The following DMD variants were observed in gnomAD, a reference collection of about 807,000 sequenced individuals.
The protein encoded by DMD is dystrophin.
In DMD, 63 loss-of-function variants were observed where a neutral mutation model predicts 330.1. The observed-to-expected ratio is 0.19, with a 90% CI of 0.16 to 0.24. The LOEUF (loss-of-function observed/expected upper bound fraction) is 0.24. DMD is among the 10% of genes least tolerant of loss of function. DMD has a pLI of 1.00. For synonymous variants in DMD, 1,223 were observed against 959.8 expected (o/e 1.27, Z -5.07); for missense variants, 3,344 against 2,684.1 (o/e 1.25, Z -5.43).
chrX:32,922,156 G>A (rs2088483259), intron 2 of DMD, among the ~76,000 whole-genome samples: 1 of 108,205 alleles, frequency 9.2e-6, no homozygotes, highest in African/African-American at 3.4e-5. Flanking sequence ...CTGCAGATAG[G>A]TTTGAAAGCC....
At chrX:32,675,118 C>T (rs1218222668) in intron 9 of DMD, among the ~76,000 whole-genome samples, 1 of 111,411 alleles carries the variant, frequency 9.0e-6, no homozygotes, top group Non-Finnish European at 1.9e-5. Context: ...AAAGCATTCT[C>T]ATTAATGACA....
At chrX:32,908,773 C>T (rs1192448805) in intron 2 of DMD, among the ~76,000 whole-genome samples, 1 of 111,798 alleles carries the variant, frequency 8.9e-6, no homozygotes, top group Non-Finnish European at 1.9e-5. Context: ...CAAAAAGGAT[C>T]TTCCAGATTC....
intron 30 of DMD, among the ~76,000 whole-genome samples, chrX:32,400,562 C>CA (rs952156711): frequency 7.3e-5 from 8 of 110,187 alleles, no homozygotes; most frequent in Admixed American, 9.7e-5. Flanking sequence ...CCTCTGCAGC[C>CA]AAAAAACACA....
At chrX:32,768,866 G>A (rs181482717) in intron 7 of DMD, among the ~76,000 whole-genome samples, 38 of 111,607 alleles carry the variant, frequency 3.4e-4, no homozygotes, top group Non-Finnish European at 5.6e-5. Context: ...CTTAGAAGCA[G>A]CCACTCAGCC....
chrX:32,450,487 AG>A (rs1176856273), intron 26 of DMD, among the ~76,000 whole-genome samples: 2 of 111,035 alleles, frequency 1.8e-5, no homozygotes, highest in Non-Finnish European at 3.8e-5. Context: ...TAGTAATTAT[AG>A]TATAATCAAC....
At chrX:32,572,911 T>G (rs1194952716) in intron 15 of DMD, among the ~76,000 whole-genome samples, 1 of 110,345 alleles carries the variant, frequency 9.1e-6, no homozygotes, top group East Asian at 2.9e-4. Flanking sequence ...TTTAAAAGAG[T>G]CTGGGACCTT....
chrX:33,055,593 A>G (rs1204633716), intron 1 of DMD, among the ~76,000 whole-genome samples: 2 of 112,293 alleles, frequency 1.8e-5, no homozygotes, highest in African/African-American at 6.5e-5. Flanking sequence ...TATTTTGGCA[A>G]TCAATTGGGG....
intron 32 of DMD, among the ~76,000 whole-genome samples, chrX:32,388,673 A>G (rs2097978247): frequency 9.0e-6 from 1 of 110,715 alleles, no homozygotes; most frequent in African/African-American, 3.3e-5. Flanking sequence ...ATGTAGAAAC[A>G]ATACTTAAAA....
intron 44 of DMD, among the ~76,000 whole-genome samples, chrX:32,130,405 T>C (rs1395972435): frequency 1.8e-5 from 2 of 111,964 alleles, no homozygotes; most frequent in Non-Finnish European, 3.8e-5. Flanking sequence ...TATATATATG[T>C]GAAATCTTGT....
intron 60 of DMD, among the ~76,000 whole-genome samples, chrX:31,429,220 T>C (rs2063894526): frequency 8.9e-6 from 1 of 111,899 alleles, no homozygotes; most frequent in Non-Finnish European, 1.9e-5. Context: ...TTTTGCTATA[T>C]ATCACCCTAG....
intron 16 of DMD, among the ~76,000 whole-genome samples, chrX:32,565,342 C>CA (rs1266995672): frequency 5.4e-5 from 6 of 111,860 alleles, no homozygotes; most frequent in African/African-American, 1.9e-4. Context: ...TCATTTTTCT[C>CA]AAGAGTAAAA....
In DMD at chrX:32,855,694, C is replaced by T. The variant is rs1255960838; in HGVS notation, c.94-5874G>A. 2.7e-5 allele frequency among the ~76,000 whole-genome samples: 3 copies of T among 111,924 alleles called. No individual in the cohort carries two copies. In the East Asian group the frequency reaches 8.4e-4, roughly 31 times the overall value. On this transcript the variant is annotated intron_variant, in intron 2 of 78. Coordinates refer to ENST00000357033, the MANE Select transcript of DMD (RefSeq NM_004006.3). Reference sequence around the variant, plus strand: ...GTGGAACAAAGACTTAAATCTAAGGCCTCAAACTATGAAACTACTACAAGA... The same window carrying T: ...GTGGAACAAAGACTTAAATCTAAGGTCTCAAACTATGAAACTACTACAAGA...
At chrX:32,335,911 G>A (rs1569558507) in intron 41 of DMD, among the ~76,000 whole-genome samples, 2 of 104,395 alleles carry the variant, frequency 1.9e-5, no homozygotes, top group African/African-American at 3.5e-5. Context: ...CATATAACGT[G>A]TATATATGTA....
intron 60 of DMD, among the ~76,000 whole-genome samples, chrX:31,354,290 T>C (rs1175425187): frequency 8.9e-6 from 1 of 111,882 alleles, no homozygotes; most frequent in African/African-American, 3.2e-5. Flanking sequence ...GGATCTTTAC[T>C]ATTAACAACT....
intron 9 of DMD, among the ~76,000 whole-genome samples, chrX:32,696,815 A>T (rs1020399816): frequency 1.5e-4 from 17 of 111,407 alleles, no homozygotes; most frequent in Non-Finnish European, 2.6e-4. Context: ...GAGTCGATGG[A>T]GAGTCAAGAG....
intron 61 of DMD, among the ~76,000 whole-genome samples, chrX:31,331,826 C>G (rs758315808): frequency 5.4e-5 from 6 of 111,975 alleles, no homozygotes; most frequent in Non-Finnish European, 7.5e-5. Context: ...TTGTATTAGG[C>G]ACCAGGGAAA....
At chrX:31,143,488 A>G (rs946329341) in intron 76 of DMD, among the ~76,000 whole-genome samples, 3 of 112,022 alleles carry the variant, frequency 2.7e-5, no homozygotes, top group Non-Finnish European at 5.6e-5. Context: ...GTAGTTCTTT[A>G]TAGCAGTGTG....
At chrX:32,696,893 A>T (rs2063698356) in intron 9 of DMD, among the ~76,000 whole-genome samples, 1 of 111,120 alleles carries the variant, frequency 9.0e-6, no homozygotes, top group Admixed American at 9.6e-5. Context: ...GGTCATAACT[A>T]TTTCAAAGCT....
chrX:31,892,693 T>A (rs2094273778), intron 47 of DMD, among the ~76,000 whole-genome samples: 1 of 111,673 alleles, frequency 9.0e-6, no homozygotes, highest in African/African-American at 3.3e-5. Context: ...CTGTACTGAA[T>A]ACTACAGGAA....
Sources: allele counts gnomAD v4.1 joint callset (sites outside exome capture counted in the v4.1 genomes callset), GRCh38; gene constraint gnomAD v4.1.1; transcripts MANE v1.5; gene names NCBI Gene and HGNC (gene_info 2026-07-23, HGNC 2026-07-21).